The following SNAP25 variants were observed in gnomAD, a reference collection of about 807,000 sequenced individuals.
The protein encoded by SNAP25 is synaptosome associated protein 25, also known as synaptosomal-associated protein 25.
A neutral mutation model predicts 28.7 loss-of-function variants in SNAP25; 3 were observed. The observed-to-expected ratio is 0.10, with a 90% CI of 0.05 to 0.27. The LOEUF is 0.27. Among genes scored for constraint, SNAP25 ranks in the 10% least tolerant of loss-of-function variants. The pLI is 1.00. For synonymous variants in SNAP25, 61 were observed against 88.1 expected (o/e 0.69, Z 1.72); for missense variants, 117 against 278.7 (o/e 0.42, Z 4.13).
At chr20:10,225,805 C>T (rs1355566707) in intron 1 of SNAP25, among the ~76,000 whole-genome samples, 2 of 152,132 alleles carry the variant, frequency 1.3e-5, no homozygotes, top group African/African-American at 4.8e-5. Flanking sequence ...TGACACTAGT[C>T]ACAGATCTTG....
intron 3 of SNAP25, among the ~76,000 whole-genome samples, chr20:10,283,872 G>A (rs182727690): frequency 6.6e-6 from 1 of 152,240 alleles, no homozygotes; most frequent in Admixed American, 6.5e-5. Context: ...CTAGAAATGA[G>A]GATTCTTAAG....
intron 5 of SNAP25, 170 bp from the exon 6 acceptor site, chr20:10,296,755 G>C (rs549702691): frequency 2.5e-6 from 2 of 803,904 alleles, no homozygotes; most frequent in South Asian, 3.8e-5. Flanking sequence ...AGTAGCTGAG[G>C]CATGGTGGTG....
At chr20:10,224,814 CA>C (rs2062706083) in intron 1 of SNAP25, among the ~76,000 whole-genome samples, 1 of 151,926 alleles carries the variant, frequency 6.6e-6, no homozygotes, top group African/African-American at 2.4e-5. Flanking sequence ...CTATCTAGCA[CA>C]TACTGTCTCC....
chr20:10,301,927 T>C (rs1388309568), intron 7 of SNAP25, among the ~76,000 whole-genome samples: 3 of 148,074 alleles, frequency 2.0e-5, no homozygotes, highest in African/African-American at 7.4e-5. Flanking sequence ...ATAAAAACCA[T>C]ATATAAAAAT....
chr20:10,261,853 C>T (rs1420372687), intron 1 of SNAP25, among the ~76,000 whole-genome samples: 1 of 152,170 alleles, frequency 6.6e-6, no homozygotes, highest in African/African-American at 2.4e-5. Flanking sequence ...GAGTTGTCTT[C>T]ACCATAAGTA....
chr20:10,242,310 A>G lies in SNAP25; in HGVS notation c.-64+23333A>G, dbSNP rs150376504. 5.9e-5 allele frequency among the ~76,000 whole-genome samples: 9 copies of G among 152,300 alleles called. No homozygotes were observed. The East Asian group carries it at 1.7e-3, about 29-fold the overall frequency. On this transcript the variant is annotated intron_variant, in intron 1 of 7. Coordinates refer to ENST00000254976, the MANE Select transcript of SNAP25 (RefSeq NM_130811.4). ...GGAGCCCTGGAGTGTGGATTGCATC[A>G]CAGTTACTGCTGCCTTGACACTCGG...
intron 1 of SNAP25, among the ~76,000 whole-genome samples, chr20:10,241,404 G>A (rs899665276): frequency 6.6e-6 from 1 of 152,050 alleles, no homozygotes; most frequent in Admixed American, 6.6e-5. Context: ...TATTTACTGA[G>A]CATCTATTAC....
At chr20:10,292,073 A>G (rs896148352) in intron 4 of SNAP25, among the ~76,000 whole-genome samples, 1 of 152,190 alleles carries the variant, frequency 6.6e-6, no homozygotes, top group African/African-American at 2.4e-5. Context: ...ATATTGTCCT[A>G]TGTTCCAATT....
At chr20:10,260,372 T>G (rs2063389608) in intron 1 of SNAP25, among the ~76,000 whole-genome samples, 1 of 152,164 alleles carries the variant, frequency 6.6e-6, no homozygotes, top group Non-Finnish European at 1.5e-5. Context: ...TCTGTTCACT[T>G]GGGCATTCCA....
In SNAP25 at chr20:10,306,458, T is replaced by A; in HGVS notation, c.*261T>A. On this transcript the variant is annotated 3_prime_UTR_variant, in exon 8 of 8. Coordinates refer to ENST00000254976, the MANE Select transcript of SNAP25 (RefSeq NM_130811.4). ...TGAGGTCTTGAGTTTCATTTTTCAT[T>A]TTCTCTCCTCGGTGGCATTTGCTGA... 2.7e-6 allele frequency: 1 copy of A among 365,848 alleles called. No individual in the cohort carries two copies. 22.7% of individuals were successfully genotyped at this position (365,848 alleles called of 1,614,324 possible). A position where few individuals can be genotyped will look rare whatever the true frequency, so the allele number is the denominator to read the frequency against.
intron 1 of SNAP25, among the ~76,000 whole-genome samples, chr20:10,225,298 G>A (rs1555784926): frequency 6.6e-6 from 1 of 151,742 alleles, no homozygotes; most frequent in Non-Finnish European, 1.5e-5. Flanking sequence ...TTCCACCAAG[G>A]TAAAACATGG....
At chr20:10,234,377 C>A (rs982762764) in intron 1 of SNAP25, among the ~76,000 whole-genome samples, 2 of 152,158 alleles carry the variant, frequency 1.3e-5, no homozygotes, top group African/African-American at 4.8e-5. Context: ...GTTCTTAATC[C>A]ATAAATGGAA....
chr20:10,275,069 T>A (rs948733395), intron 1 of SNAP25, among the ~76,000 whole-genome samples: 3 of 131,930 alleles, frequency 2.3e-5, no homozygotes, highest in African/African-American at 5.6e-5. Context: ...ATAGAGCTAT[T>A]TAAATAAATA....
chr20:10,278,862 C>T (rs1288929680), intron 3 of SNAP25, among the ~76,000 whole-genome samples: 1 of 145,406 alleles, frequency 6.9e-6, no homozygotes, highest in Admixed American at 7.3e-5. Context: ...ATGTGAATTG[C>T]CACTGGAGGA....
chr20:10,222,503 A>G (rs2062652795), intron 1 of SNAP25, among the ~76,000 whole-genome samples: 1 of 152,158 alleles, frequency 6.6e-6, no homozygotes, highest in South Asian at 2.1e-4. Flanking sequence ...GAAAATGCCC[A>G]TTGATTTGGG....
chr20:10,259,500 AC>A (rs1244471911), intron 1 of SNAP25, among the ~76,000 whole-genome samples: 3 of 152,174 alleles, frequency 2.0e-5, no homozygotes, highest in African/African-American at 7.2e-5. Context: ...ATTCTGAGGA[AC>A]CATTTTAAAG....
intron 1 of SNAP25, among the ~76,000 whole-genome samples, chr20:10,271,245 T>C (rs2063586409): frequency 6.6e-6 from 1 of 152,210 alleles, no homozygotes. Flanking sequence ...ATAAACATCC[T>C]TATGCCTCTT....
intron 1 of SNAP25, among the ~76,000 whole-genome samples, chr20:10,224,363 G>A (rs1236667356): frequency 7.4e-6 from 1 of 135,936 alleles, no homozygotes; most frequent in Non-Finnish European, 1.5e-5. Flanking sequence ...AGGAGACCCA[G>A]CTCTAGCCCT....
chr20:10,243,597 T>C (rs1434864736), intron 1 of SNAP25, among the ~76,000 whole-genome samples: 1 of 152,226 alleles, frequency 6.6e-6, no homozygotes, highest in Non-Finnish European at 1.5e-5. Context: ...TTGTCTATTG[T>C]TCTTGTAATG....
Sources: gnomAD v4.1 joint callset for allele counts (sites outside exome capture counted in the v4.1 genomes callset) on GRCh38, gnomAD v4.1.1 for gene constraint, MANE v1.5 for transcripts, NCBI Gene and HGNC (gene_info 2026-07-23, HGNC 2026-07-21) for gene names.